Variants in FOXN4 observed in about 807,000 individuals in gnomAD.
FOXN4 encodes the protein forkhead box N4, also known as forkhead box protein N4.
Under a neutral mutation model 45.0 loss-of-function variants are expected in FOXN4, and 12 were observed. That is an observed-to-expected ratio of 0.27 (90% CI 0.17 to 0.43). FOXN4 has a LOEUF of 0.43. Among genes scored for constraint, FOXN4 ranks in the 20% least tolerant of loss-of-function variants. FOXN4 has a pLI of 1.00. For synonymous variants in FOXN4, 297 were observed against 295.0 expected, an observed-to-expected ratio of 1.01 and a Z score of -0.07; for missense variants, 560 against 694.9, an observed-to-expected ratio of 0.81 and a Z score of 2.18.
chr12:109,296,943 A>C (rs1276916103), intron 2 of FOXN4, among the ~76,000 whole-genome samples: 1 of 152,208 alleles, frequency 6.6e-6, no homozygotes, highest in Non-Finnish European at 1.5e-5. Context: ...CAAGAGCCTG[A>C]TCAGGCAGGG....
intron 6 of FOXN4, 135 bp from the exon 7 acceptor site, chr12:109,286,879 G>A (rs891351690): frequency 9.7e-6 from 14 of 1,440,330 alleles, no homozygotes; most frequent in Middle Eastern, 2.5e-4. Flanking sequence ...CTCACACACA[G>A]TGAGCTCTCA....
intron 1 of FOXN4, among the ~76,000 whole-genome samples, chr12:109,308,537 G>A (rs2047940881): frequency 6.6e-6 from 1 of 152,130 alleles, no homozygotes; most frequent in Non-Finnish European, 1.5e-5. Context: ...CAAATGAAGA[G>A]AATGAAATGA....
chr12:109,306,630 C>A (rs965055919), intron 2 of FOXN4, among the ~76,000 whole-genome samples: 1 of 152,234 alleles, frequency 6.6e-6, no homozygotes, highest in East Asian at 1.9e-4. Flanking sequence ...CTTTTACTAT[C>A]CCCATTGCAC....
rs1404750337 is a variant in FOXN4, at chr12:109,281,680, G to A, written c.1021C>T (p.Leu341=). 3.7e-6 allele frequency: 6 copies of A among 1,610,524 alleles called. No homozygotes were observed. The highest frequency in any genetic ancestry group is 2.5e-6 in the Non-Finnish European group (3 of 1,178,850). The part of the protein sequence containing the change: ...ATTVAVAHGC[L]AVSQLPPQPL... ...TGGGGTGGGAGCTGGGAGACAGCCA[G>A]GCAGCCATGCGCCACGGCCACTGTG... Residue 341 remains leucine, a synonymous_variant, in exon 9 of 10, where the codon CTG becomes TTG. Transcript: ENST00000299162.
chr12:109,303,243 C>G (rs1037971893), intron 2 of FOXN4, among the ~76,000 whole-genome samples: 1 of 152,062 alleles, frequency 6.6e-6, no homozygotes, highest in Non-Finnish European at 1.5e-5. Flanking sequence ...TTCTCTCCAC[C>G]CTGAGGGTGA....
intron 2 of FOXN4, among the ~76,000 whole-genome samples, chr12:109,305,841 C>T (rs1270667893): frequency 2.0e-5 from 3 of 152,132 alleles, no homozygotes; most frequent in Admixed American, 2.0e-4. Context: ...ACCTCTGGAT[C>T]CAGTGCTGAT....
rs778569195 is a variant in FOXN4 at position 109,285,286 on chromosome 12, G to A, written c.901+18C>T. ...GTGTGTGTGTGTGTGCGCGCACTGCGGGCTGTCCGGCCCTCACCAGGGTTG... is the reference window on the plus strand; with the variant it reads ...GTGTGTGTGTGTGTGCGCGCACTGCAGGCTGTCCGGCCCTCACCAGGGTTG... On this transcript the variant is annotated intron_variant, in intron 8 of 9. Transcript: ENST00000299162. 9.1e-6 allele frequency: 14 copies of A among 1,543,554 alleles called. No individual in the cohort carries two copies. Among genetic ancestry groups the A allele is most frequent in the South Asian group, 5.7e-5 (5 of 87,172 alleles).
chr12:109,305,906 G>A lies in FOXN4; in HGVS notation c.86+2330C>T, dbSNP rs541793941. On this transcript the variant is annotated intron_variant, in intron 2 of 9. Transcript: ENST00000299162. ...CCCAACTCCTGACCCCTGCTAGCTC[G>A]GCAGTGGACTGGCTAGGCATTGCCA... is the stretch of plus-strand genomic sequence containing the variant. Among the ~76,000 whole-genome samples the A allele has an allele frequency of 6.6e-4, 101 of 152,168 alleles. 1 individual carries two copies. The highest frequency in any genetic ancestry group is 2.4e-3 in the African/African-American group (100 of 41,528).
intron 2 of FOXN4, 146 bp downstream of exon 2, chr12:109,308,090 T>C (rs2047937615): frequency 2.9e-6 from 2 of 683,140 alleles, no homozygotes; most frequent in East Asian, 3.0e-5. Context: ...AAGACCAACA[T>C]TGAAATCAAG....
chr12:109,282,984 T>C (rs1035484295), intron 8 of FOXN4, among the ~76,000 whole-genome samples: 7 of 151,970 alleles, frequency 4.6e-5, no homozygotes, highest in African/African-American at 9.7e-5. Flanking sequence ...TGAGGGACCA[T>C]TGGCTCCTGC....
rs1179631489 is a variant in FOXN4, at chr12:109,291,010, C to T, written c.87-724G>A. On this transcript the variant is annotated intron_variant, in intron 2 of 9. Coordinates refer to ENST00000299162, the MANE Select transcript of FOXN4 (RefSeq NM_213596.3). This position sits in a 1 kb window ranked among gnomAD's most constrained non-coding sequence, Gnocchi z 6.6. The stretch of plus-strand genomic sequence containing the variant: ...GGAGCACCGAGTCACCTGCCCAAGG[C>T]GACACAGAACAGGAGGTGGTGGGGC... 3.9e-5 allele frequency among the ~76,000 whole-genome samples: 6 copies of T among 152,114 alleles called. No homozygotes were observed. Among genetic ancestry groups the T allele is most frequent in the African/African-American group, 7.2e-5 (3 of 41,422 alleles).
At chr12:109,305,977 G>C (rs1350142908) in intron 2 of FOXN4, among the ~76,000 whole-genome samples, 1 of 152,070 alleles carries the variant, frequency 6.6e-6, no homozygotes, top group East Asian at 1.9e-4. Context: ...TTTTGGAGAA[G>C]GGCAGTTGCT....
chr12:109,284,849 G>A (rs560894169), intron 8 of FOXN4, among the ~76,000 whole-genome samples: 4 of 151,394 alleles, frequency 2.6e-5, no homozygotes, highest in African/African-American at 7.3e-5. Context: ...GTGGATGCCA[G>A]CCAGGTCCTT....
chr12:109,300,635 G>A (rs1023690299), intron 2 of FOXN4, among the ~76,000 whole-genome samples: 2 of 152,346 alleles, frequency 1.3e-5, no homozygotes, highest in South Asian at 2.1e-4. Flanking sequence ...GTGCCCAGGC[G>A]TGATGGCTCA....
In FOXN4 at chr12:109,286,859, A is replaced by ACTAGG. The variant is rs1565999375; in HGVS notation, c.597-116_597-115insCCTAG. 22 of 1,455,498 alleles carry ACTAGG rather than the reference A, an allele frequency of 1.5e-5. No homozygotes were observed. The South Asian group carries it at 2.0e-4, about 13-fold the overall frequency. The allele number at this position is 1,455,498 out of a possible 1,614,324, so 90.2% of individuals were successfully genotyped here. A position where few individuals can be genotyped will look rare whatever the true frequency, so the allele number is the denominator to read the frequency against. On this transcript the variant is annotated intron_variant, in intron 6 of 9. Transcript: ENST00000299162. ...TCTGCCAGGAAGCCTGCCCTGCTTG[A>ACTAGG]CCCTAAACACTCACACACAGTGAGC...
At chr12:109,301,995 G>C (rs2047872893) in intron 2 of FOXN4, among the ~76,000 whole-genome samples, 1 of 152,184 alleles carries the variant, frequency 6.6e-6, no homozygotes, top group Non-Finnish European at 1.5e-5. Context: ...GCATCTCCCA[G>C]TTTTCCCTTC....
intron 9 of FOXN4, among the ~76,000 whole-genome samples, chr12:109,281,098 C>A (rs2047647866): frequency 6.6e-6 from 1 of 152,162 alleles, no homozygotes; most frequent in South Asian, 2.1e-4. Context: ...CGGTATACAG[C>A]AAATGCTCAT....
chr12:109,285,256 T>C, intron 8 of FOXN4, 48 bp downstream of exon 8: 3 of 1,535,178 alleles, frequency 2.0e-6, no homozygotes, highest in Non-Finnish European at 2.6e-6. Context: ...TGTGTGTGTG[T>C]GTGTGTGTGT....
In FOXN4 at chr12:109,286,762, G is replaced by A. The variant is rs769395367; in HGVS notation, c.597-18C>T. The A allele has an allele frequency of 8.4e-6, 13 of 1,547,088 alleles. No individual in the cohort carries two copies. The South Asian group carries it at 9.0e-5, about 11-fold the overall frequency. On this transcript the variant is annotated intron_variant, in intron 6 of 9. Transcript: ENST00000299162. The stretch of plus-strand genomic sequence containing the variant: ...TCAGACAGCTGGGGGCAGGAGGTGG[G>A]GCAGGGCAGGGCAGGGCAGGACAGG...
Sources: gnomAD v4.1 joint callset for allele counts (sites outside exome capture counted in the v4.1 genomes callset) on GRCh38, gnomAD v4.1.1 for gene constraint, Gnocchi (gnomAD v3.1) non-coding constraint, MANE v1.5 for transcripts, NCBI Gene and HGNC (gene_info 2026-07-23, HGNC 2026-07-21) for gene names.